The following HIVEP3 variants were observed in gnomAD, a reference collection of about 807,000 sequenced individuals.
HIVEP3 encodes HIVEP zinc finger 3.
Under a neutral mutation model 152.8 loss-of-function variants are expected in HIVEP3, and 49 were observed. The ratio of observed to expected loss-of-function variants is 0.32; its 90% CI spans 0.26 to 0.41. The LOEUF (loss-of-function observed/expected upper bound fraction) is 0.41, where lower values mean the gene tolerates loss of function less well. HIVEP3 is among the 10% of genes least tolerant of loss of function. HIVEP3 has a pLI of 1.00. For missense variants in HIVEP3, 2,790 were observed against 3,103.3 expected (o/e 0.90, Z 2.40); for synonymous variants, 1,269 against 1,289.0 (o/e 0.98, Z 0.33).
intron 1 of HIVEP3, among the ~76,000 whole-genome samples, chr1:41,886,487 C>T (rs895489564): frequency 2.0e-5 from 3 of 151,894 alleles, no homozygotes; most frequent in Non-Finnish European, 2.9e-5. Flanking sequence ...CCGAGGCAGG[C>T]GGATCCTCTG....
chr1:41,634,857 C>G (rs1222529982), intron 2 of HIVEP3, among the ~76,000 whole-genome samples: 1 of 152,066 alleles, frequency 6.6e-6, no homozygotes, highest in African/African-American at 2.4e-5. Flanking sequence ...ATAAGACATT[C>G]TTGGAATCAC....
At chr1:41,758,900 T>C (rs4660569) in intron 1 of HIVEP3, among the ~76,000 whole-genome samples, 131,194 of 152,154 alleles carry the variant, frequency 0.86, 59,185 homozygotes, top group Non-Finnish European at 1. Context: ...TAGTGTACTG[T>C]GACCAATGAC....
intron 1 of HIVEP3, among the ~76,000 whole-genome samples, chr1:41,852,364 G>A (rs1179846981): frequency 1.3e-5 from 2 of 152,258 alleles, no homozygotes; most frequent in African/African-American, 4.8e-5. Flanking sequence ...CAGGGACACC[G>A]TCATCGGCCC....
chr1:41,514,278 G>A (rs1203707999), intron 7 of HIVEP3, among the ~76,000 whole-genome samples: 1 of 152,160 alleles, frequency 6.6e-6, no homozygotes, highest in Non-Finnish European at 1.5e-5. Flanking sequence ...CACCTCACCA[G>A]GTTTTCTAGG....
intron 4 of HIVEP3, among the ~76,000 whole-genome samples, chr1:41,577,850 A>G (rs1644349391): frequency 6.6e-6 from 1 of 152,228 alleles, no homozygotes; most frequent in Non-Finnish European, 1.5e-5. Context: ...GTGTAGTTGT[A>G]TAAAAGGCCT....
chr1:42,005,722 C>A (rs1645455527), intron 1 of HIVEP3, among the ~76,000 whole-genome samples: 1 of 152,190 alleles, frequency 6.6e-6, no homozygotes, highest in Non-Finnish European at 1.5e-5. Context: ...GAAGATGCTG[C>A]TTGTAGAAAT....
chr1:41,516,700 C>T (rs745387521), intron 7 of HIVEP3, among the ~76,000 whole-genome samples: 1 of 152,226 alleles, frequency 6.6e-6, no homozygotes, highest in African/African-American at 2.4e-5. Flanking sequence ...CGGCTGCCCC[C>T]GCGTCCAGCG....
At chr1:41,621,227 C>A (rs1645042862) in intron 3 of HIVEP3, among the ~76,000 whole-genome samples, 3 of 152,242 alleles carry the variant, frequency 2.0e-5, no homozygotes, top group Admixed American at 1.3e-4. Flanking sequence ...GCCTTGACCC[C>A]CTTCAGCCTC....
At chr1:41,695,212 T>C (rs1400128884) in intron 2 of HIVEP3, among the ~76,000 whole-genome samples, 1 of 152,114 alleles carries the variant, frequency 6.6e-6, no homozygotes, top group East Asian at 1.9e-4. Context: ...GGACTCGCCA[T>C]GGAGGCGGGG....
intron 1 of HIVEP3, among the ~76,000 whole-genome samples, chr1:42,011,108 T>A (rs926420011): frequency 6.6e-6 from 1 of 151,052 alleles, no homozygotes; most frequent in Non-Finnish European, 1.5e-5. Flanking sequence ...TTGTCACAAA[T>A]TTTTTTTTTC....
chr1:41,555,737 A>C (rs1406184996), intron 5 of HIVEP3, among the ~76,000 whole-genome samples: 1 of 152,046 alleles, frequency 6.6e-6, no homozygotes, highest in African/African-American at 2.4e-5. Context: ...GCTCCAGAAA[A>C]ATTTCCATTT....
intron 1 of HIVEP3, among the ~76,000 whole-genome samples, chr1:41,859,571 A>G (rs993323708): frequency 3.9e-5 from 6 of 152,176 alleles, no homozygotes; most frequent in African/African-American, 1.4e-4. Flanking sequence ...ACCACTGGCC[A>G]CCTAGAGCAT....
intron 1 of HIVEP3, among the ~76,000 whole-genome samples, chr1:42,028,066 A>T (rs928864439): frequency 6.6e-6 from 1 of 152,230 alleles, no homozygotes; most frequent in African/African-American, 2.4e-5. Context: ...CACTTTATTA[A>T]GAGGCCTTCC....
chr1:41,927,914 A>T (rs915805982), intron 1 of HIVEP3, among the ~76,000 whole-genome samples: 3 of 152,032 alleles, frequency 2.0e-5, no homozygotes. Flanking sequence ...ACAAAAAATT[A>T]GCCAGGCGTG....
chr1:41,516,927 C>G (rs1008864708), intron 7 of HIVEP3, among the ~76,000 whole-genome samples: 1 of 152,266 alleles, frequency 6.6e-6, no homozygotes, highest in Admixed American at 6.5e-5. Context: ...ACAGGCAGGG[C>G]CCCTGCTCTA....
intron 5 of HIVEP3, among the ~76,000 whole-genome samples, chr1:41,574,004 G>C (rs1227470852): frequency 6.6e-6 from 1 of 152,142 alleles, no homozygotes; most frequent in Non-Finnish European, 1.5e-5. Flanking sequence ...GCACGGAGTG[G>C]CTCCTGCCAG....
Position 41,583,836 on chromosome 1 carries a change from T to A in HIVEP3, c.962A>T (p.His321Leu), listed in dbSNP as rs1476863345. The change falls in exon 4 of 9, where the codon CAC becomes CTC. Residue 321 changes from histidine (H) to leucine (L), a missense_variant. Physicochemically the swap from His to Leu is moderately conservative, Grantham distance 99 (BLOSUM62 -3). Around this residue, in one of 9 missense-constraint regions of HIVEP3, gnomAD observed 125 missense variants for 130.1 expected, o/e 0.96. Transcript: ENST00000372583. The surrounding 1 kb of genome is among the most constrained non-coding windows in gnomAD (Gnocchi z 6.9). ...LYSSGSHSSS[H>L]ERCSLSQSST... ...GGACTGGGACAGGGAACAGCGTTCG[T>A]GGCTGGAACTGTGGCTCCCAGAGCT... 2 of 1,607,622 alleles carry A rather than the reference T, an allele frequency of 1.2e-6. No homozygotes were observed. The highest frequency in any genetic ancestry group is 3.4e-5 in the Admixed American group (2 of 59,658).
chr1:41,732,733 C>A (rs115381700), intron 1 of HIVEP3, among the ~76,000 whole-genome samples: 1 of 152,144 alleles, frequency 6.6e-6, no homozygotes, highest in Non-Finnish European at 1.5e-5. Flanking sequence ...ACCTGGACCG[C>A]GACGCTCTAT....
At chr1:42,000,967 T>A (rs1249415610) in intron 1 of HIVEP3, among the ~76,000 whole-genome samples, 1 of 152,180 alleles carries the variant, frequency 6.6e-6, no homozygotes, top group Non-Finnish European at 1.5e-5. Context: ...TCTAAGTGCG[T>A]TACATATAGT....
Sources: allele counts gnomAD v4.1 joint callset (sites outside exome capture counted in the v4.1 genomes callset), GRCh38; gene constraint gnomAD v4.1.1; regional missense constraint gnomAD v4.1.1; non-coding constraint Gnocchi (gnomAD v3.1); transcripts MANE v1.5; gene names NCBI Gene and HGNC (gene_info 2026-07-23, HGNC 2026-07-21).